Variants in WDR59 observed in about 807,000 individuals in gnomAD.
WDR59 encodes GATOR2 complex protein WDR59.
WDR59 carries 100 observed loss-of-function variants against 131.2 expected under a neutral mutation model. The ratio of observed to expected loss-of-function variants is 0.76; its 90% CI spans 0.65 to 0.90. WDR59 has a LOEUF of 0.90. WDR59 is among the 40% of genes least tolerant of loss of function. The pLI is 0.00. For synonymous variants in WDR59, 601 were observed against 466.2 expected (o/e 1.29, Z -3.72); for missense variants, 1,203 against 1,262.2 (o/e 0.95, Z 0.71).
chr16:74,965,755 C>T lies in WDR59; in HGVS notation c.104+18G>A, dbSNP rs753619368. On this transcript the variant is annotated intron_variant, in intron 2 of 25. Coordinates refer to ENST00000262144, the MANE Select transcript of WDR59 (RefSeq NM_030581.4). ...GTTTCCAGAAATCATGGCAGACAAACTCGGCAAGCTTACTTACCCAGAAAG... is the reference window on the plus strand; with the variant it reads ...GTTTCCAGAAATCATGGCAGACAAATTCGGCAAGCTTACTTACCCAGAAAG... 2 of 1,613,994 alleles carry T rather than the reference C, an allele frequency of 1.2e-6. No individual in the cohort carries two copies.
chr16:74,941,240 C>CTGAA (rs2032194334), intron 7 of WDR59, among the ~76,000 whole-genome samples: 1 of 150,116 alleles, frequency 6.7e-6, no homozygotes, highest in South Asian at 2.1e-4. Flanking sequence ...ACTCAGGAGG[C>CTGAA]TGAAGCAGGA....
chr16:74,912,452 G>C (rs2144943129), intron 13 of WDR59, 90 bp from the exon 14 acceptor site: 1 of 1,338,754 alleles, frequency 7.5e-7, no homozygotes, highest in Non-Finnish European at 1.0e-6. Context: ...CCATGTTCCT[G>C]GTAATTGAAT....
chr16:74,886,126 C>G, intron 24 of WDR59, 144 bp downstream of exon 24: 1 of 1,069,732 alleles, frequency 9.3e-7, no homozygotes, highest in South Asian at 1.7e-5. Flanking sequence ...TGCAGAGAGC[C>G]GAGATCCCGC....
At chr16:74,925,793 C>T (rs2030729966) in intron 8 of WDR59, among the ~76,000 whole-genome samples, 1 of 151,626 alleles carries the variant, frequency 6.6e-6, no homozygotes, top group Admixed American at 6.6e-5. Flanking sequence ...CTTTGGGAGG[C>T]TAAGGTAGGT....
intron 7 of WDR59, among the ~76,000 whole-genome samples, chr16:74,939,116 T>C (rs2032029442): frequency 6.6e-6 from 1 of 151,564 alleles, no homozygotes; most frequent in East Asian, 2.0e-4. Context: ...TCACCTGAGG[T>C]CAGGAGTTTG....
intron 25 of WDR59, among the ~76,000 whole-genome samples, chr16:74,875,379 C>T (rs961561187): frequency 4.6e-5 from 7 of 152,038 alleles, no homozygotes; most frequent in Admixed American, 2.6e-4. Context: ...TGTGTCCCAT[C>T]GCTGCCTCCA....
At position 74,873,687 on chromosome 16, in the gene WDR59, G is replaced by A. The variant is rs947313851; in HGVS notation, c.*522C>T. On this transcript the variant is annotated 3_prime_UTR_variant, in exon 26 of 26. Transcript: ENST00000262144. The stretch of plus-strand genomic sequence containing the variant: ...CATCTTAAGAATCCTTAAGTACAGT[G>A]CATATTTACAATTTAAGTGTCATAT... The A allele has an allele frequency of 6.6e-6, 1 of 152,594 alleles. No homozygotes were observed. Among genetic ancestry groups the A allele is most frequent in the African/African-American group, 2.4e-5 (1 of 41,200 alleles). 9.5% of individuals were successfully genotyped at this position (152,594 alleles called of 1,614,324 possible).
At chr16:74,918,142 T>C in intron 10 of WDR59, 134 bp from the exon 11 acceptor site, 1 of 782,590 alleles carries the variant, frequency 1.3e-6, no homozygotes, top group Admixed American at 2.3e-5. Context: ...CCAGGCACTA[T>C]TCTAGGTACC....
chr16:74,904,984 A>G (rs1426378085), intron 17 of WDR59, among the ~76,000 whole-genome samples: 1 of 152,276 alleles, frequency 6.6e-6, no homozygotes, highest in Non-Finnish European at 1.5e-5. Context: ...AACTCACATT[A>G]CATGCAAAAA....
At chr16:74,968,750 C>T (rs915607914) in intron 1 of WDR59, among the ~76,000 whole-genome samples, 1 of 151,744 alleles carries the variant, frequency 6.6e-6, no homozygotes, top group African/African-American at 2.4e-5. Context: ...AAAACAAAAA[C>T]GGCAAATAGA....
rs968160659 is a variant in WDR59, at chr16:74,891,652, G to C, written c.2082+832C>G. Reference sequence around the variant, plus strand: ...ATAAAGAACAAAAAGACTGGGTGTGGTGGCTCACGCCTGTAATCCCAACAC... The same window carrying C: ...ATAAAGAACAAAAAGACTGGGTGTGCTGGCTCACGCCTGTAATCCCAACAC... On this transcript the variant is annotated intron_variant, in intron 20 of 25. Coordinates refer to ENST00000262144, the MANE Select transcript of WDR59 (RefSeq NM_030581.4). Among the ~76,000 whole-genome samples, 12 of 152,352 alleles carry C rather than the reference G, an allele frequency of 7.9e-5. 1 individual carries two copies. The highest frequency in any genetic ancestry group is 1.9e-4 in the East Asian group (1 of 5,188).
At chr16:74,931,715 A>T (rs935012777) in intron 8 of WDR59, among the ~76,000 whole-genome samples, 2 of 152,060 alleles carry the variant, frequency 1.3e-5, no homozygotes, top group African/African-American at 4.8e-5. Flanking sequence ...TCTTAAAAAA[A>T]CCTCAAAAAT....
intron 23 of WDR59, among the ~76,000 whole-genome samples, chr16:74,886,628 G>A (rs1387205131): frequency 1.3e-5 from 2 of 152,162 alleles, no homozygotes; most frequent in African/African-American, 2.4e-5. Context: ...TGATGCTAAC[G>A]CAAATGATGG....
intron 3 of WDR59, among the ~76,000 whole-genome samples, chr16:74,954,718 C>G (rs1173056642): frequency 6.6e-6 from 1 of 152,186 alleles, no homozygotes; most frequent in African/African-American, 2.4e-5. Flanking sequence ...AATAGCCAGT[C>G]AAATGTCCTC....
chr16:74,955,537 C>T (rs529328754), intron 3 of WDR59, among the ~76,000 whole-genome samples: 1 of 152,284 alleles, frequency 6.6e-6, no homozygotes, highest in African/African-American at 2.4e-5. Flanking sequence ...CTGACTCTGC[C>T]TTTCTCTTTG....
chr16:74,934,731 T>C (rs1332825682), intron 8 of WDR59, among the ~76,000 whole-genome samples: 6 of 152,184 alleles, frequency 3.9e-5, no homozygotes, highest in Non-Finnish European at 8.8e-5. Context: ...GAAGACTGCT[T>C]GAGCCCAGGA....
chr16:74,955,378 C>T (rs949490441), intron 3 of WDR59, among the ~76,000 whole-genome samples: 1 of 152,040 alleles, frequency 6.6e-6, no homozygotes, highest in Non-Finnish European at 1.5e-5. Flanking sequence ...AATGACCTAA[C>T]AAGCCAGTAG....
intron 18 of WDR59, among the ~76,000 whole-genome samples, chr16:74,902,382 G>A (rs896621646): frequency 1.3e-5 from 2 of 152,042 alleles, no homozygotes; most frequent in Admixed American, 6.6e-5. Flanking sequence ...GATATTCTCT[G>A]ATGAGAGAAT....
chr16:74,888,301 C>T lies in WDR59; in HGVS notation c.2214G>A (p.Arg738=), dbSNP rs766972429. The change falls in exon 22 of 26, where the codon CGG becomes CGA. Residue 738 remains arginine (R), a synonymous_variant. Coordinates refer to ENST00000262144, the MANE Select transcript of WDR59 (RefSeq NM_030581.4). ...LLESLLAHYC[R]LRDVQTLAML... is the part of the protein sequence containing the mutation. ...TCGCCAGTGTCTGAACATCCCGGAG[C>T]CGGCAATAGTGAGCCAACCTGAGGA... 3.1e-6 allele frequency: 5 copies of T among 1,613,104 alleles called. No individual in the cohort carries two copies. The highest frequency in any genetic ancestry group is 1.7e-5 in the Admixed American group (1 of 59,760).
Sources: gnomAD v4.1 joint callset for allele counts (sites outside exome capture counted in the v4.1 genomes callset) on GRCh38, gnomAD v4.1.1 for gene constraint, MANE v1.5 for transcripts, NCBI Gene and HGNC (gene_info 2026-07-23, HGNC 2026-07-21) for gene names.